PALLD: variants seen among roughly 807,000 people sequenced by gnomAD.
The protein encoded by PALLD is palladin, cytoskeletal associated protein.
In PALLD, 61 loss-of-function variants were observed where a neutral mutation model predicts 123.5. The observed-to-expected ratio is 0.49, with a 90% CI of 0.40 to 0.61. The LOEUF (loss-of-function observed/expected upper bound fraction) is 0.61. Among genes scored for constraint, PALLD ranks in the 20% least tolerant of loss-of-function variants. The pLI is 0.00. For missense variants in PALLD, 1,273 were observed against 1,377.0 expected (o/e 0.92, Z 1.20); for synonymous variants, 465 against 496.4 (o/e 0.94, Z 0.84).
intron 2 of PALLD, among the ~76,000 whole-genome samples, chr4:168,574,015 T>C (rs1769272532): frequency 6.6e-6 from 1 of 152,042 alleles, no homozygotes; most frequent in Non-Finnish European, 1.5e-5. Context: ...CACGTCTTGC[T>C]TTCAGACTCT....
At chr4:168,815,861 T>C (rs1449249759) in intron 10 of PALLD, among the ~76,000 whole-genome samples, 1 of 152,244 alleles carries the variant, frequency 6.6e-6, no homozygotes, top group Non-Finnish European at 1.5e-5. Flanking sequence ...GAACAAGTAT[T>C]GGGAACAAAC....
intron 12 of PALLD, among the ~76,000 whole-genome samples, chr4:168,895,457 A>G (rs1256008993): frequency 2.0e-5 from 3 of 152,254 alleles, no homozygotes; most frequent in Non-Finnish European, 4.4e-5. Context: ...ACTGTTGACC[A>G]GAAGCCTTAC....
intron 2 of PALLD, among the ~76,000 whole-genome samples, chr4:168,530,002 A>G (rs1044637418): frequency 3.3e-5 from 5 of 152,326 alleles, no homozygotes; most frequent in African/African-American, 9.6e-5. Context: ...TGCACATTTA[A>G]CAATATTTTA....
chr4:168,514,974 TTC>T (rs1371146315), intron 2 of PALLD, among the ~76,000 whole-genome samples: 1 of 152,262 alleles, frequency 6.6e-6, no homozygotes, highest in East Asian at 1.9e-4. Flanking sequence ...TTAACTAGTT[TTC>T]TCTTATTCTG....
At chr4:168,832,952 GCCA>G (rs1725033458) in intron 10 of PALLD, 1 of 152,282 alleles carries the variant, frequency 6.6e-6, no homozygotes, top group Non-Finnish European at 1.5e-5. Flanking sequence ...GCGCGCACCG[GCCA>G]CGCGTGGGTT....
chr4:168,580,569 T>C (rs1003546370), intron 2 of PALLD, among the ~76,000 whole-genome samples: 2 of 152,054 alleles, frequency 1.3e-5, no homozygotes, highest in Non-Finnish European at 2.9e-5. Context: ...GTATGGAAAT[T>C]CCTCAAAGAA....
chr4:168,741,636 A>G (rs948647485), intron 10 of PALLD, among the ~76,000 whole-genome samples: 1 of 152,126 alleles, frequency 6.6e-6, no homozygotes, highest in African/African-American at 2.4e-5. Context: ...GTGAGCTATG[A>G]TTGTGTCACT....
intron 2 of PALLD, chr4:168,537,656 A>C (rs1433851872): frequency 2.0e-5 from 3 of 152,212 alleles, no homozygotes; most frequent in Non-Finnish European, 2.9e-5. Flanking sequence ...ATAGGCGTCC[A>C]AAAACTGTGA....
At chr4:168,748,296 C>T (rs1156528173) in intron 10 of PALLD, among the ~76,000 whole-genome samples, 1 of 152,128 alleles carries the variant, frequency 6.6e-6, no homozygotes, top group Non-Finnish European at 1.5e-5. Flanking sequence ...ATCAGTTGAA[C>T]CAGAAACTCT....
intron 2 of PALLD, among the ~76,000 whole-genome samples, chr4:168,538,954 G>T (rs987196528): frequency 3.3e-5 from 5 of 152,092 alleles, no homozygotes; most frequent in African/African-American, 9.7e-5. Flanking sequence ...TCAGAATTTA[G>T]CCCTCCCCCA....
chr4:168,881,303 A>G (rs972808068), intron 10 of PALLD, among the ~76,000 whole-genome samples: 13 of 152,106 alleles, frequency 8.5e-5, no homozygotes, highest in African/African-American at 2.9e-4. Flanking sequence ...GTTAGTAAGT[A>G]CTAAGTTTCT....
In PALLD at chr4:168,894,573, G is replaced by C. The variant is rs1754721878; in HGVS notation, c.2101-6G>C. ...TTTTGTATTTTTTGTGACTTACGTT[G>C]TTTAGAGGTTAACATACGAAGAAAG... On this transcript the variant is annotated splice_polypyrimidine_tract_variant and splice_region_variant and intron_variant, in intron 11 of 21. Coordinates refer to ENST00000505667, the MANE Select transcript of PALLD (RefSeq NM_001166108.2). 6.3e-7 allele frequency: 1 copy of C among 1,596,022 alleles called. No homozygotes were observed. The highest frequency in any genetic ancestry group is 8.6e-7 in the Non-Finnish European group (1 of 1,163,992).
rs142287181 is a variant in PALLD, at chr4:168,553,506, A to T, written c.908+41094A>T. The stretch of plus-strand genomic sequence containing the variant: ...TCAGAAAAATTAAGTTACTGGAGAG[A>T]ATATTCCTGTGCTTGGGTTGGCACT... On this transcript the variant is annotated intron_variant, in intron 2 of 21. Coordinates refer to ENST00000505667, the MANE Select transcript of PALLD (RefSeq NM_001166108.2). Among the ~76,000 whole-genome samples the T allele has an allele frequency of 4.2e-3, 637 of 152,328 alleles. 8 individuals are homozygous for T. The highest frequency in any genetic ancestry group is 0.014 in the African/African-American group (590 of 41,566).
At chr4:168,637,840 T>A (rs1188489894) in intron 2 of PALLD, among the ~76,000 whole-genome samples, 2 of 147,912 alleles carry the variant, frequency 1.4e-5, no homozygotes, top group African/African-American at 5.0e-5. Context: ...GCTACCCGGT[T>A]GGCTGAGACA....
intron 10 of PALLD, among the ~76,000 whole-genome samples, chr4:168,748,306 TG>T (rs1221742769): frequency 2.0e-5 from 3 of 152,178 alleles, no homozygotes; most frequent in Non-Finnish European, 2.9e-5. Context: ...CCAGAAACTC[TG>T]GGGTGGGACC....
At chr4:168,539,788 T>C (rs1299738852) in intron 2 of PALLD, among the ~76,000 whole-genome samples, 3 of 152,140 alleles carry the variant, frequency 2.0e-5, no homozygotes, top group Non-Finnish European at 4.4e-5. Flanking sequence ...AATTCAGATT[T>C]ATTATACTTT....
chr4:168,880,994 G>C (rs549631988), intron 10 of PALLD, among the ~76,000 whole-genome samples: 1 of 152,046 alleles, frequency 6.6e-6, no homozygotes, highest in Admixed American at 6.6e-5. Context: ...TGCCACCTCC[G>C]CCTCTGGGTT....
At chr4:168,821,115 C>A (rs1209429177) in intron 10 of PALLD, among the ~76,000 whole-genome samples, 1 of 152,186 alleles carries the variant, frequency 6.6e-6, no homozygotes, top group Non-Finnish European at 1.5e-5. Context: ...GTAATCTACT[C>A]TGTAACTCAC....
intron 10 of PALLD, among the ~76,000 whole-genome samples, chr4:168,737,085 A>G (rs961300464): frequency 6.6e-6 from 1 of 152,224 alleles, no homozygotes; most frequent in Non-Finnish European, 1.5e-5. Context: ...ATAATGTATT[A>G]CATTCTATGC....
Sources: allele counts gnomAD v4.1 joint callset (sites outside exome capture counted in the v4.1 genomes callset), GRCh38; gene constraint gnomAD v4.1.1; transcripts MANE v1.5; gene names NCBI Gene and HGNC (gene_info 2026-07-23, HGNC 2026-07-21).